Variants in PDE5A observed in about 807,000 individuals in gnomAD.
PDE5A encodes phosphodiesterase 5A, also known as cGMP-specific 3',5'-cyclic phosphodiesterase.
In PDE5A, 67 loss-of-function variants were observed where a neutral mutation model predicts 110.2. The observed-to-expected ratio is 0.61, with a 90% confidence interval of 0.50 to 0.75. The LOEUF is 0.75. Among genes scored for constraint, PDE5A ranks in the 30% least tolerant of loss-of-function variants. The pLI is 0.00. For synonymous variants in PDE5A, 328 were observed against 351.2 expected (o/e 0.93, Z 0.74); for missense variants, 862 against 1,045.1 (o/e 0.82, Z 2.42).
intron 19 of PDE5A, among the ~76,000 whole-genome samples, 164 bp from the exon 20 acceptor site, chr4:119,501,417 TCTC>T (rs1442463966): frequency 1.3e-5 from 2 of 152,106 alleles, no homozygotes; most frequent in Non-Finnish European, 2.9e-5. Context: ...TTTAAGCTAT[TCTC>T]CTGCCTCAGC....
intron 1 of PDE5A, among the ~76,000 whole-genome samples, chr4:119,625,238 C>G (rs1386408527): frequency 6.6e-6 from 1 of 152,140 alleles, no homozygotes; most frequent in Non-Finnish European, 1.5e-5. Context: ...ACGTCGTGAT[C>G]TGCCCGCCTC....
chr4:119,530,573 T>TAC (rs1361306726), intron 11 of PDE5A, among the ~76,000 whole-genome samples: 1 of 152,188 alleles, frequency 6.6e-6, no homozygotes, highest in Non-Finnish European at 1.5e-5. Flanking sequence ...TTTTATACTT[T>TAC]ACAGTCCCAC....
At position 119,574,433 on chromosome 4, in the gene PDE5A, G is replaced by A. The variant is rs112918216; in HGVS notation, c.832-7289C>T. ...CCTGACCTTGCGATCTGCCCGCCTC[G>A]GCCTCCCAAAGTGCTGGGATTACAG... On this transcript the variant is annotated intron_variant, in intron 3 of 20. Transcript: ENST00000354960. Among the ~76,000 whole-genome samples the A allele has an allele frequency of 8.2e-3, 1,252 of 151,890 alleles. 12 individuals carry two copies. Among genetic ancestry groups the A allele is most frequent in the African/African-American group, 0.028 (1,178 of 41,410 alleles).
In PDE5A at chr4:119,563,095, A is replaced by G. The variant is rs192235119; in HGVS notation, c.994-125T>C. The G allele has an allele frequency of 9.1e-6, 6 of 661,802 alleles. No individual in the cohort carries two copies. In the East Asian group the frequency reaches 1.9e-4, roughly 21 times the overall value. The allele number at this position is 661,802 out of a possible 1,614,324, so 41.0% of individuals were successfully genotyped here. A position where few individuals can be genotyped will look rare whatever the true frequency, so the allele number is the denominator to read the frequency against. The stretch of plus-strand genomic sequence containing the variant: ...GTTATGATCAAGTCTGCATTCAAAT[A>G]TAAATACGTCTCCACTTATTAACAA... On this transcript the variant is annotated intron_variant, in intron 5 of 20. Transcript: ENST00000354960.
intron 3 of PDE5A, among the ~76,000 whole-genome samples, chr4:119,576,857 C>T (rs1429599373): frequency 1.3e-5 from 2 of 152,008 alleles, no homozygotes; most frequent in Non-Finnish European, 2.9e-5. Flanking sequence ...CTGAAGGAAA[C>T]AGAGACACAA....
chr4:119,494,879 A>T lies in PDE5A; in HGVS notation c.*3722T>A, dbSNP rs531398629. 5.9e-5 allele frequency: 9 copies of T among 152,604 alleles called. No individual in the cohort carries two copies. Among genetic ancestry groups the T allele is most frequent in the Non-Finnish European group, 1.0e-4 (7 of 68,030 alleles). 9.5% of individuals were successfully genotyped at this position (152,604 alleles called of 1,614,324 possible). On this transcript the variant is annotated 3_prime_UTR_variant, in exon 21 of 21. Transcript: ENST00000354960. ...GCTTTTAGTAAGTATATGGAATGGT[A>T]AAGTGAGCTTTAATACTTTCTTCTT...
In PDE5A at chr4:119,519,051, A is replaced by G. The variant is rs1254475574; in HGVS notation, c.1994T>C (p.Ile665Thr). The G allele has an allele frequency of 1.2e-6, 2 of 1,604,916 alleles. No individual in the cohort carries two copies. The highest frequency in any genetic ancestry group is 1.7e-6 in the Non-Finnish European group (2 of 1,171,634). ...TTTACTGGGAAAGTCTTACCGCTGTATGTAAGAGTTATTCACACCACGGTG... is the reference window on the plus strand; with the variant it reads ...TTTACTGGGAAAGTCTTACCGCTGTGTGTAAGAGTTATTCACACCACGGTG... ...LDHRGVNNSYIQRSEHPLAQL... is the reference protein window; with the variant it reads ...LDHRGVNNSYTQRSEHPLAQL... Residue 665 changes from isoleucine to threonine, a missense_variant, in exon 14 of 21, where the codon ATA becomes ACA. Ile to Thr is a moderately conservative substitution (Grantham distance 89). Coordinates refer to ENST00000354960, the MANE Select transcript of PDE5A (RefSeq NM_001083.4).
chr4:119,554,521 TG>T (rs1727474653), intron 7 of PDE5A, among the ~76,000 whole-genome samples: 1 of 152,168 alleles, frequency 6.6e-6, no homozygotes, highest in African/African-American at 2.4e-5. Context: ...AAACTCCGTA[TG>T]TTCCCTTGTG....
chr4:119,570,437 C>G (rs1006894988), intron 3 of PDE5A, among the ~76,000 whole-genome samples: 1 of 152,304 alleles, frequency 6.6e-6, no homozygotes. Context: ...CAGATATGGG[C>G]ACTCCACGCT....
Position 119,511,070 on chromosome 4 carries a change from A to C in PDE5A, c.2065T>G (p.Cys689Gly). ...ACTGGACTATTAAGAATCATCAGGCACTGGTCAAAATGATGGTGTTCCATG... is the reference window on the plus strand; with the variant it reads ...ACTGGACTATTAAGAATCATCAGGCCCTGGTCAAAATGATGGTGTTCCATG... Reference protein sequence around the residue: ...SIMEHHHFDQCLMILNSPGNQ... With the variant: ...SIMEHHHFDQGLMILNSPGNQ... The change falls in exon 15 of 21, where the codon TGC becomes GGC. Residue 689 changes from cysteine (C) to glycine (G), a missense_variant. Physicochemically the swap from Cys to Gly is radical, Grantham distance 159 (BLOSUM62 -3). Coordinates refer to ENST00000354960, the MANE Select transcript of PDE5A (RefSeq NM_001083.4). 1 of 1,606,026 alleles carries C rather than the reference A, an allele frequency of 6.2e-7. No individual in the cohort carries two copies. The highest frequency in any genetic ancestry group is 8.5e-7 in the Non-Finnish European group (1 of 1,173,190).
Position 119,572,779 on chromosome 4 carries a change from A to G in PDE5A, c.832-5635T>C, listed in dbSNP as rs142935384. On this transcript the variant is annotated intron_variant, in intron 3 of 20. Coordinates refer to ENST00000354960, the MANE Select transcript of PDE5A (RefSeq NM_001083.4). ...AGATGATTACAAATGCTGCTGGTCC[A>G]GGCACAAAAGACGCATTGACAACTA... Among the ~76,000 whole-genome samples the G allele has an allele frequency of 3.6e-3, 550 of 152,298 alleles. 3 individuals are homozygous for G. Among genetic ancestry groups the G allele is most frequent in the African/African-American group, 0.013 (536 of 41,570 alleles).
chr4:119,563,856 C>T (rs570823153), intron 5 of PDE5A, among the ~76,000 whole-genome samples: 2 of 152,096 alleles, frequency 1.3e-5, no homozygotes, highest in South Asian at 4.2e-4. Context: ...GAGAACATTG[C>T]AGTTAAAGTC....
chr4:119,617,408 G>C (rs906404822), intron 1 of PDE5A, among the ~76,000 whole-genome samples: 2 of 151,948 alleles, frequency 1.3e-5, no homozygotes, highest in Non-Finnish European at 2.9e-5. Flanking sequence ...GTGTCCGAAG[G>C]GTCTCCCTGT....
chr4:119,564,174 T>C (rs1727843114), intron 5 of PDE5A, among the ~76,000 whole-genome samples: 1 of 151,934 alleles, frequency 6.6e-6, no homozygotes. Context: ...ATTTATATTG[T>C]AGATAATAAA....
chr4:119,570,463 C>CA (rs996239367), intron 3 of PDE5A, among the ~76,000 whole-genome samples: 4 of 151,996 alleles, frequency 2.6e-5, no homozygotes, highest in African/African-American at 9.7e-5. Context: ...TGTAAAAGCG[C>CA]AAAAAAGCCT....
chr4:119,537,114 A>G (rs1373861865), intron 11 of PDE5A, among the ~76,000 whole-genome samples: 1 of 151,988 alleles, frequency 6.6e-6, no homozygotes, highest in African/African-American at 2.4e-5. Context: ...TGTTATTCTC[A>G]CACTGACTCC....
intron 7 of PDE5A, among the ~76,000 whole-genome samples, chr4:119,555,631 T>C (rs892656618): frequency 6.6e-6 from 1 of 152,028 alleles, no homozygotes; most frequent in African/African-American, 2.4e-5. Flanking sequence ...CAATAACTAT[T>C]ATTATTCTTC....
chr4:119,549,998 A>AATT (rs776066999), intron 9 of PDE5A: 7 of 152,230 alleles, frequency 4.6e-5, no homozygotes, highest in Non-Finnish European at 8.8e-5. Context: ...TCTCTATTAG[A>AATT]ATTACATAAT....
chr4:119,543,654 A>C (rs933737955), intron 9 of PDE5A: 1 of 152,240 alleles, frequency 6.6e-6, no homozygotes, highest in African/African-American at 2.4e-5. Context: ...AGCCTGCCAC[A>C]AGGGCCACTC....
Sources: gnomAD v4.1 joint callset for allele counts (sites outside exome capture counted in the v4.1 genomes callset) on GRCh38, gnomAD v4.1.1 for gene constraint, MANE v1.5 for transcripts, NCBI Gene and HGNC (gene_info 2026-07-23, HGNC 2026-07-21) for gene names.